Variants in ZNF385D observed in about 807,000 individuals in gnomAD.
ZNF385D encodes zinc finger protein 659.
A neutral mutation model predicts 35.8 loss-of-function variants in ZNF385D; 15 were observed. That is an observed-to-expected ratio of 0.42 (90% CI 0.28 to 0.64). The LOEUF (loss-of-function observed/expected upper bound fraction) is 0.64, where lower values mean the gene tolerates loss of function less well. ZNF385D is among the 30% of genes least tolerant of loss of function. The probability of loss-of-function intolerance (pLI) is 0.23; values close to 1 mark genes in which losing one functional copy is unlikely to be tolerated. For missense variants in ZNF385D, 474 were observed against 494.6 expected, an observed-to-expected ratio of 0.96 and a Z score of 0.39; for synonymous variants, 212 against 186.8, an observed-to-expected ratio of 1.13 and a Z score of -1.10.
At chr3:22,300,658 C>T (rs749279149) in intron 2 of ZNF385D, among the ~76,000 whole-genome samples, 1 of 151,838 alleles carries the variant, frequency 6.6e-6, no homozygotes, top group Non-Finnish European at 1.5e-5. Flanking sequence ...CTAAAGAAGG[C>T]ATACAAATGA....
chr3:22,016,833 G>C (rs906807248), intron 3 of ZNF385D, among the ~76,000 whole-genome samples: 1 of 151,914 alleles, frequency 6.6e-6, no homozygotes, highest in African/African-American at 2.4e-5. Flanking sequence ...CAAGCTCCTA[G>C]CCTGCCTCTA....
Position 21,988,890 on chromosome 3 carries a change from G to A in ZNF385D, c.325+179927C>T, listed in dbSNP as rs550659178. On this transcript the variant is annotated intron_variant, in intron 3 of 5. Transcript: ENST00000494108. Reference sequence around the variant, plus strand: ...CTCGTGGTGCGCCGTTTTTTAAGCCGGTCTGAAAAGTGCAATATTCGGGTG... The same window carrying A: ...CTCGTGGTGCGCCGTTTTTTAAGCCAGTCTGAAAAGTGCAATATTCGGGTG... 3.3e-5 allele frequency among the ~76,000 whole-genome samples: 5 copies of A among 152,306 alleles called. No homozygotes were observed. The South Asian group carries it at 8.3e-4, about 25-fold the overall frequency.
At chr3:21,431,522 C>A (rs1036480137) in intron 5 of ZNF385D, among the ~76,000 whole-genome samples, 2 of 152,060 alleles carry the variant, frequency 1.3e-5, no homozygotes, top group African/African-American at 4.8e-5. Flanking sequence ...GATGAGGGCA[C>A]CGCAACAGAG....
At chr3:22,206,134 T>C (rs79847826) in intron 2 of ZNF385D, among the ~76,000 whole-genome samples, 6 of 152,052 alleles carry the variant, frequency 3.9e-5, no homozygotes, top group African/African-American at 1.4e-4. Context: ...ACAGCTATAC[T>C]TACATCAGAC....
intron 3 of ZNF385D, among the ~76,000 whole-genome samples, chr3:21,846,738 G>T (rs2125799186): frequency 6.6e-6 from 1 of 152,110 alleles, no homozygotes; most frequent in Admixed American, 6.6e-5. Context: ...GAGAGGATGG[G>T]AAAGGCTCAA....
intron 1 of ZNF385D, among the ~76,000 whole-genome samples, chr3:21,673,885 T>C (rs2066647495): frequency 6.6e-6 from 1 of 152,132 alleles, no homozygotes; most frequent in South Asian, 2.1e-4. Context: ...TCTAGTCTCA[T>C]TAATGGCAAG....
intron 2 of ZNF385D, among the ~76,000 whole-genome samples, chr3:22,217,559 C>T (rs915261145): frequency 2.0e-5 from 3 of 152,118 alleles, no homozygotes; most frequent in African/African-American, 7.2e-5. Context: ...GACTTTAACA[C>T]ATGAGCTTTT....
intron 3 of ZNF385D, among the ~76,000 whole-genome samples, chr3:22,161,526 A>T (rs1395461887): frequency 2.0e-5 from 3 of 152,076 alleles, no homozygotes; most frequent in African/African-American, 7.2e-5. Flanking sequence ...TATTTATGAG[A>T]GGGTGAATCA....
intron 2 of ZNF385D, among the ~76,000 whole-genome samples, chr3:22,193,997 G>A (rs1696236853): frequency 6.6e-6 from 1 of 151,846 alleles, no homozygotes. Flanking sequence ...ATAACTCATA[G>A]CTATGACAAT....
chr3:21,706,813 AT>A (rs2067916128), intron 1 of ZNF385D, among the ~76,000 whole-genome samples: 2 of 123,014 alleles, frequency 1.6e-5, no homozygotes, highest in Admixed American at 8.6e-5. Flanking sequence ...AAGATAATAG[AT>A]GATAGATAGA....
chr3:21,789,204 A>C (rs547147889), intron 3 of ZNF385D, among the ~76,000 whole-genome samples: 1 of 152,248 alleles, frequency 6.6e-6, no homozygotes, highest in East Asian at 1.9e-4. Context: ...AATTAAATCT[A>C]TAATATAATT....
chr3:22,298,189 C>T lies in ZNF385D; in HGVS notation c.106+74261G>A, dbSNP rs74618604. On this transcript the variant is annotated intron_variant, in intron 2 of 5. Transcript: ENST00000494108. ...TTAAAGATAAATTTTTAAAAGGTTG[C>T]TAAGAATTTCAAAAGACACACAGTA... 3.0e-4 allele frequency among the ~76,000 whole-genome samples: 46 copies of T among 151,692 alleles called. No homozygotes were observed. The East Asian group carries it at 8.8e-3, about 29-fold the overall frequency.
At chr3:22,098,435 G>A (rs977811965) in intron 3 of ZNF385D, among the ~76,000 whole-genome samples, 3 of 152,048 alleles carry the variant, frequency 2.0e-5, no homozygotes, top group African/African-American at 4.8e-5. Flanking sequence ...GAGAGGGGAA[G>A]ATTTTCCTTC....
At chr3:22,196,477 T>C (rs1696422535) in intron 2 of ZNF385D, among the ~76,000 whole-genome samples, 1 of 152,112 alleles carries the variant, frequency 6.6e-6, no homozygotes, top group Admixed American at 6.6e-5. Context: ...CTTTCATTCT[T>C]TTTTCTTTCT....
intron 3 of ZNF385D, among the ~76,000 whole-genome samples, chr3:22,037,062 T>C (rs979415488): frequency 2.6e-5 from 4 of 152,070 alleles, no homozygotes; most frequent in South Asian, 2.1e-4. Context: ...TATGGCTGCA[T>C]AGTATTTTAT....
intron 3 of ZNF385D, among the ~76,000 whole-genome samples, chr3:21,979,183 T>G (rs180915531): frequency 2.2e-4 from 33 of 152,204 alleles, no homozygotes; most frequent in Admixed American, 1.8e-3. Context: ...GTCCAAACAT[T>G]TGTAAAAAGG....
At chr3:21,717,668 C>A (rs2068377211) in intron 1 of ZNF385D, among the ~76,000 whole-genome samples, 1 of 152,162 alleles carries the variant, frequency 6.6e-6, no homozygotes, top group African/African-American at 2.4e-5. Flanking sequence ...TTCCCCCATG[C>A]TGTTCTTGTG....
chr3:21,432,792 A>T (rs985423272), intron 5 of ZNF385D, among the ~76,000 whole-genome samples: 13 of 184 alleles, frequency 0.071, no homozygotes, highest in East Asian at 0.5. Context: ...TTCCAAATTA[A>T]AAAAAAAAAA....
At chr3:21,954,086 T>C (rs888017857) in intron 3 of ZNF385D, among the ~76,000 whole-genome samples, 1 of 151,994 alleles carries the variant, frequency 6.6e-6, no homozygotes, top group Non-Finnish European at 1.5e-5. Context: ...GCATAAGTGC[T>C]GCCCTCCATC....
Sources: gnomAD v4.1 joint callset for allele counts (sites outside exome capture counted in the v4.1 genomes callset) on GRCh38, gnomAD v4.1.1 for gene constraint, MANE v1.5 for transcripts, NCBI Gene and HGNC (gene_info 2026-07-23, HGNC 2026-07-21) for gene names.